Variants in PLEC observed in about 807,000 individuals in gnomAD.
PLEC encodes hemidesmosomal protein 1.
In PLEC, 216 loss-of-function variants were observed where a neutral mutation model predicts 392.8. The ratio of observed to expected loss-of-function variants is 0.55; its 90% CI spans 0.49 to 0.62. The LOEUF (loss-of-function observed/expected upper bound fraction) is 0.62. Among genes scored for constraint, PLEC ranks in the 20% least tolerant of loss-of-function variants. The probability of loss-of-function intolerance (pLI) is 0.00; values close to 1 mark genes in which losing one functional copy is unlikely to be tolerated. For synonymous variants in PLEC, 3,621 were observed against 2,980.6 expected (o/e 1.21, Z -7.00); for missense variants, 6,863 against 6,563.4 (o/e 1.05, Z -1.58).
In PLEC at chr8:143,938,131, G is replaced by C. The variant is rs782485244; in HGVS notation, c.264+20C>G. On this transcript the variant is annotated intron_variant, in intron 3 of 31. Coordinates refer to ENST00000345136, the MANE Select transcript of PLEC (RefSeq NM_201384.3). ...CCAGGTGGGGCAGGCGGGGCCCGGA[G>C]GGGGCAGGGGCACACGTACCAGGCT... 5.1e-6 allele frequency: 8 copies of C among 1,582,670 alleles called. No homozygotes were observed. Among genetic ancestry groups the C allele is most frequent in the Non-Finnish European group, 6.9e-6 (8 of 1,162,764 alleles).
rs781881727 is a variant in PLEC at position 143,934,000 on chromosome 8, ACTGCAG to A, written c.1255_1260del (p.Leu419_Gln420del). The A allele has an allele frequency of 6.2e-7, 1 of 1,601,208 alleles. No homozygotes were observed. The highest frequency in any genetic ancestry group is 8.5e-7 in the Non-Finnish European group (1 of 1,176,600). ...CTGCCTGCCCCACACCCCCTCACCG[ACTGCAG>A]CAGGGCGTCGGCCTGGTTCAGCTGC... On this transcript the variant is annotated inframe_deletion, in exon 12 of 32. Transcript: ENST00000345136.
chr8:143,975,438 C>T, upstream of PLEC: 1 of 1,378,482 alleles, frequency 7.3e-7, no homozygotes, highest in Non-Finnish European at 1.0e-6. The surrounding 1 kb of genome is among the most constrained non-coding windows in gnomAD (Gnocchi z 9.9). Context: ...GCACGCCGAC[C>T]CACCCACCAC....
chr8:143,973,428 G>A lies in PLEC; in HGVS notation c.45C>T (p.Tyr15=). ...CTTTGTACTTCTCGCGCACCTCCTC[G>A]TAGGCCTGGATGAAGTCCTGCTCGT... Residue 15 remains tyrosine (Y), a synonymous_variant, in exon 1 of 32, where the codon TAC becomes TAT. Transcript: ENST00000356346. The surrounding 1 kb of genome is among the most constrained non-coding windows in gnomAD (Gnocchi z 5.6). 1 of 1,547,618 alleles carries A rather than the reference G, an allele frequency of 6.5e-7. No homozygotes were observed. Among genetic ancestry groups the A allele is most frequent in the Non-Finnish European group, 8.7e-7 (1 of 1,147,016 alleles).
At chr8:143,926,165 G>C (rs892258646) in intron 30 of PLEC, among the ~76,000 whole-genome samples, 3 of 152,240 alleles carry the variant, frequency 2.0e-5, no homozygotes, top group Admixed American at 6.5e-5. Flanking sequence ...GGGAGAGAGA[G>C]AGCAAAGCAG....
At chr8:143,968,818 G>C (rs1196211720) in intron 1 of PLEC, among the ~76,000 whole-genome samples, 1 of 152,170 alleles carries the variant, frequency 6.6e-6, no homozygotes, top group Non-Finnish European at 1.5e-5. Flanking sequence ...CACCCACTAG[G>C]ATTGGATGTC....
At chr8:143,948,187 G>A (rs1432527092) in intron 1 of PLEC, among the ~76,000 whole-genome samples, 1 of 152,204 alleles carries the variant, frequency 6.6e-6, no homozygotes, top group African/African-American at 2.4e-5. Context: ...GGGCCTCACT[G>A]CAGGGGTACA....
rs1246217735 is a variant in PLEC, at chr8:143,917,540, T to G, written c.12281A>C (p.Asn4094Thr). The change falls in exon 32 of 32, where the codon AAC becomes ACC. Residue 4094 changes from asparagine (N) to threonine (T), a missense_variant. By Grantham distance (65) the Asn-to-Thr change is moderately conservative. Coordinates refer to ENST00000345136, the MANE Select transcript of PLEC (RefSeq NM_201384.3). The part of the protein sequence containing the change: ...SDDTKGFFDP[N>T]TEENLTYLQL... ...CAGGTAGGTGAGGTTCTCCTCCGTG[T>G]TAGGGTCAAAGAAGCCCTTGGTGTC... The G allele has an allele frequency of 6.2e-7, 1 of 1,613,864 alleles. No individual in the cohort carries two copies. Among genetic ancestry groups the G allele is most frequent in the African/African-American group, 1.3e-5 (1 of 74,944 alleles).
At chr8:143,965,462 AT>A (rs1489537185) in intron 1 of PLEC, among the ~76,000 whole-genome samples, 1 of 103,612 alleles carries the variant, frequency 9.7e-6, no homozygotes, top group Non-Finnish European at 2.1e-5. Context: ...CCCATGCCCC[AT>A]TTTGGGTCCC....
At chr8:143,942,901 G>A (rs543617896), upstream of PLEC, among the ~76,000 whole-genome samples, 1 of 152,368 alleles carries the variant, frequency 6.6e-6, no homozygotes, top group East Asian at 1.9e-4. Context: ...GCTGAGCCGC[G>A]TCTGGCACCA....
At position 143,973,352 on chromosome 8, in the gene PLEC, C is replaced by T; in HGVS notation, c.70+51G>A. ...CCACCGTGGACGACAAGGTGCTCGG[C>T]GGCTGGGCTGTCAGGAGCGGCCCGA... is the stretch of plus-strand genomic sequence containing the variant. On this transcript the variant is annotated intron_variant, in intron 1 of 31. Transcript: ENST00000356346. This position sits in a 1 kb window ranked among gnomAD's most constrained non-coding sequence, Gnocchi z 5.6. 3 of 1,538,432 alleles carry T rather than the reference C, an allele frequency of 2.0e-6. No individual in the cohort carries two copies. The highest frequency in any genetic ancestry group is 1.2e-5 in the South Asian group (1 of 83,640).
intron 30 of PLEC, 144 bp downstream of exon 30, chr8:143,926,639 TG>T (rs1456498740): frequency 6.5e-6 from 5 of 765,272 alleles, no homozygotes; most frequent in Non-Finnish European, 1.2e-5. Context: ...CAGGCTGAGC[TG>T]GGGGCAGGGG....
chr8:143,940,257 C>T (rs1554727738), upstream of PLEC, among the ~76,000 whole-genome samples: 1 of 152,230 alleles, frequency 6.6e-6, no homozygotes, highest in African/African-American at 2.4e-5. Flanking sequence ...CCCACCCTGC[C>T]CCAGGCAGAC....
chr8:143,920,622 T>TGTGCC lies in PLEC; in HGVS notation c.9194_9198dup (p.Ile3067GlyfsTer12). 1 of 1,607,280 alleles carries TGTGCC rather than the reference T, an allele frequency of 6.2e-7. No homozygotes were observed. Among genetic ancestry groups the TGTGCC allele is most frequent in the South Asian group, 1.1e-5 (1 of 91,080 alleles). ...CGGGCGCTGGTGGCGGGGTCGATGA[T>TGTGCC]GTGCCCGGTGCCGGCCTGGGCTTCC... On this transcript the variant is annotated frameshift_variant, in exon 32 of 32. Coordinates refer to ENST00000345136, the MANE Select transcript of PLEC (RefSeq NM_201384.3). LOFTEE classifies it high-confidence loss of function.
chr8:143,929,076 CCCT>C, intron 25 of PLEC, 24 bp downstream of exon 25: 1 of 1,551,512 alleles, frequency 6.4e-7, no homozygotes, highest in Non-Finnish European at 8.7e-7. Context: ...CGACCCCAGC[CCCT>C]CGCCTGTGGC....
upstream of PLEC, chr8:143,973,570 G>GC (rs1213991193): frequency 1.0e-6 from 1 of 974,502 alleles, no homozygotes; most frequent in Non-Finnish European, 1.2e-6. This position sits in a 1 kb window ranked among gnomAD's most constrained non-coding sequence, Gnocchi z 5.6. Flanking sequence ...GGCCGCCCCC[G>GC]CCCCGCCCCC....
Position 143,919,429 on chromosome 8 carries a change from C to G in PLEC, c.10392G>C (p.Leu3464=), listed in dbSNP as rs1381384471. The change falls in exon 32 of 32, where the codon CTG becomes CTC. Residue 3464 remains leucine, a synonymous_variant. Coordinates refer to ENST00000345136, the MANE Select transcript of PLEC (RefSeq NM_201384.3). ...CGCCCGTGGCGATCTGGGCCTCCAG[C>G]AGGCGGATGCCGTGCTGCCGGAGAA... ...GLVLRQHGIR[L]LEAQIATGGI... 8 of 1,613,152 alleles carry G rather than the reference C, an allele frequency of 5.0e-6. No homozygotes were observed. The highest frequency in any genetic ancestry group is 1.3e-5 in the African/African-American group (1 of 74,942).
rs1554691104 is a variant in PLEC, at chr8:143,922,992, T to C, written c.6937A>G (p.Lys2313Glu). ...QQRALAEKMLKEKMQAVQEAT... is the reference protein window; with the variant it reads ...QQRALAEKMLEEKMQAVQEAT... ...TCCTGCACCGCCTGCATCTTCTCCT[T>C]GAGCATCTTCTCTGCCAAGGCCCGC... is the stretch of plus-strand genomic sequence containing the variant. Residue 2313 changes from lysine (K) to glutamate (E), a missense_variant, in exon 31 of 32, where the codon AAG becomes GAG. By Grantham distance (56) the Lys-to-Glu change is moderately conservative (BLOSUM62 1). Coordinates refer to ENST00000345136, the MANE Select transcript of PLEC (RefSeq NM_201384.3). 8 of 1,611,772 alleles carry C rather than the reference T, an allele frequency of 5.0e-6. No individual in the cohort carries two copies. The highest frequency in any genetic ancestry group is 6.8e-6 in the Non-Finnish European group (8 of 1,179,510).
rs535984209 is a variant in PLEC at position 143,936,028 on chromosome 8, A to T, written c.436-14T>A. The T allele has an allele frequency of 3.7e-6, 6 of 1,610,412 alleles. No homozygotes were observed. In the East Asian group the frequency reaches 1.3e-4, roughly 36 times the overall value. On this transcript the variant is annotated splice_polypyrimidine_tract_variant and intron_variant, in intron 5 of 31. Coordinates refer to ENST00000345136, the MANE Select transcript of PLEC (RefSeq NM_201384.3). ...GATATCTGAGATCTGCTCACAGCAG[A>T]GAGGAGGCCACAGCTCAGCCACAGC...
chr8:143,950,810 A>G, exon 1 of PLEC: 1 of 1,505,088 alleles, frequency 6.6e-7, no homozygotes, highest in Non-Finnish European at 8.9e-7. Flanking sequence ...AGGGTGTGAC[A>G]GCGGGCAGCG....
Sources: allele counts gnomAD v4.1 joint callset (sites outside exome capture counted in the v4.1 genomes callset), GRCh38; gene constraint gnomAD v4.1.1; non-coding constraint Gnocchi (gnomAD v3.1); transcripts MANE v1.5; gene names NCBI Gene and HGNC (gene_info 2026-07-23, HGNC 2026-07-21).